TSC1: variants seen among roughly 807,000 people sequenced by gnomAD.
TSC1 encodes the protein TSC complex subunit 1, also known as hamartin.
Under a neutral mutation model 124.3 loss-of-function variants are expected in TSC1, and 20 were observed. The observed-to-expected ratio is 0.16, with a 90% CI of 0.11 to 0.23. The LOEUF is 0.23. Ranked by LOEUF, TSC1 falls within the 10% of genes least tolerant of loss-of-function variation. The probability of loss-of-function intolerance (pLI) is 1.00; values close to 1 mark genes in which losing one functional copy is unlikely to be tolerated. For synonymous variants in TSC1, 493 were observed against 539.1 expected (o/e 0.91, Z 1.19); for missense variants, 1,124 against 1,448.5 (o/e 0.78, Z 3.64).
In TSC1 at chr9:132,921,299, C is replaced by T; in HGVS notation, c.737+64G>A. 6.5e-7 allele frequency: 1 copy of T among 1,535,326 alleles called. No individual in the cohort carries two copies. Among genetic ancestry groups the T allele is most frequent in the Non-Finnish European group, 9.0e-7 (1 of 1,110,586 alleles). On this transcript the variant is annotated intron_variant, in intron 8 of 22. Transcript: ENST00000298552. The surrounding 1 kb of genome is among the most constrained non-coding windows in gnomAD (Gnocchi z 4.3). ...CCCAAATATACCTCAACAGGGATTA[C>T]CTCCTAGATCACATTTTCAATCTCT...
intron 6 of TSC1, among the ~76,000 whole-genome samples, chr9:132,922,321 T>C (rs1028050357): frequency 1.3e-5 from 2 of 152,206 alleles, no homozygotes; most frequent in African/African-American, 4.8e-5. Context: ...ATGATAGCTC[T>C]CTGTAAAATT....
intron 8 of TSC1, among the ~76,000 whole-genome samples, chr9:132,919,310 C>G (rs994538573): frequency 1.3e-5 from 2 of 152,102 alleles, no homozygotes; most frequent in Non-Finnish European, 2.9e-5. Context: ...ACAGAGAAAA[C>G]AGGAAATCAA....
chr9:132,901,758 C>T (rs1052419020), intron 18 of TSC1, 59 bp from the exon 19 acceptor site: 4 of 1,512,046 alleles, frequency 2.6e-6, no homozygotes, highest in East Asian at 4.5e-5. Context: ...GATCACAGGC[C>T]TACCTAGCCA....
chr9:132,937,719 GTTTTT>G (rs1207835634), intron 1 of TSC1, among the ~76,000 whole-genome samples: 1 of 152,010 alleles, frequency 6.6e-6, no homozygotes, highest in Non-Finnish European at 1.5e-5. Context: ...TTTTTGTTTT[GTTTTT>G]TGAGATAGAG....
At chr9:132,945,112 C>T (rs1300688359), upstream of TSC1, 1 of 152,378 alleles carries the variant, frequency 6.6e-6, no homozygotes, top group Admixed American at 6.5e-5. Context: ...GAGCAGCGAT[C>T]CTGTTTCCCA....
At position 132,942,670 on chromosome 9, in the gene TSC1, C is replaced by T. The variant is rs761731841; in HGVS notation, c.-144+1873G>A. The stretch of plus-strand genomic sequence containing the variant: ...TGCTTTCTAACCAGGAATTTAGGAA[C>T]GTACCAAGTGTTTATGACACCAGGA... On this transcript the variant is annotated intron_variant, in intron 1 of 22. Coordinates refer to ENST00000298552, the MANE Select transcript of TSC1 (RefSeq NM_000368.5). Among the ~76,000 whole-genome samples, 3 of 152,312 alleles carry T rather than the reference C, an allele frequency of 2.0e-5. 1 individual carries two copies. The highest frequency in any genetic ancestry group is 4.1e-4 in the South Asian group (2 of 4,830).
chr9:132,939,598 T>C (rs369895112), intron 1 of TSC1, among the ~76,000 whole-genome samples: 4 of 152,350 alleles, frequency 2.6e-5, no homozygotes, highest in East Asian at 1.9e-4. Flanking sequence ...ATGCTTACGT[T>C]TTGACTTTCT....
chr9:132,913,742 C>T (rs376099304), intron 8 of TSC1, among the ~76,000 whole-genome samples: 3 of 144,364 alleles, frequency 2.1e-5, no homozygotes, highest in East Asian at 4.4e-4. Flanking sequence ...AGGAGAATGG[C>T]GTGAACCCAG....
At chr9:132,905,526 T>C in intron 15 of TSC1, 55 bp downstream of exon 15, 1 of 1,609,632 alleles carries the variant, frequency 6.2e-7, no homozygotes, top group Non-Finnish European at 8.5e-7. Context: ...ACACTTTCTG[T>C]ACTTCACAAT....
chr9:132,895,129 T>C lies in TSC1; in HGVS notation c.*1106A>G, dbSNP rs544273113. On this transcript the variant is annotated 3_prime_UTR_variant, in exon 23 of 23. Transcript: ENST00000298552. ...GAGAGTCAGCCCCTGAAAGTTGGAA[T>C]TGGTATGAAAAAGCTGCCCCTCTTC... The C allele has an allele frequency of 8.6e-6, 2 of 233,198 alleles. No individual in the cohort carries two copies. The highest frequency in any genetic ancestry group is 1.8e-4 in the South Asian group (1 of 5,518). The allele number at this position is 233,198 out of a possible 1,614,324, so 14.4% of individuals were successfully genotyped here.
chr9:132,934,977 T>C lies in TSC1; in HGVS notation c.-81+56A>G, dbSNP rs188638390. ...TGTTAAATCCCTGAATGCACGACCA[T>C]GGGCAAGATAATTCCCTCCCATCTT... On this transcript the variant is annotated intron_variant, in intron 2 of 22. Transcript: ENST00000298552. 2.8e-5 allele frequency: 11 copies of C among 399,058 alleles called. No homozygotes were observed. The Admixed American group carries it at 3.5e-4, about 13-fold the overall frequency. 24.7% of individuals were successfully genotyped at this position (399,058 alleles called of 1,614,324 possible).
At position 132,918,126 on chromosome 9, in the gene TSC1, T is replaced by C. The variant is rs555324183; in HGVS notation, c.737+3237A>G. Among the ~76,000 whole-genome samples, 29 of 152,338 alleles carry C rather than the reference T, an allele frequency of 1.9e-4. 1 individual carries two copies. Among genetic ancestry groups the C allele is most frequent in the African/African-American group, 6.7e-4 (28 of 41,570 alleles). ...TGTACAACCTCCTGGAATCCCACTG[T>C]CTACAGTAAAGACTTCTTTGTTTTT... On this transcript the variant is annotated intron_variant, in intron 8 of 22. Transcript: ENST00000298552.
Position 132,894,740 on chromosome 9 carries a change from C to T in TSC1, c.*1495G>A, listed in dbSNP as rs1294797462. On this transcript the variant is annotated 3_prime_UTR_variant, in exon 23 of 23. Transcript: ENST00000298552. ...AGACTTTCATTCTCTCTGCTCGAGG[C>T]CTCCGTGGGCACTAAGATTTCGTAC... 9.2e-6 allele frequency: 2 copies of T among 216,380 alleles called. No individual in the cohort carries two copies. The highest frequency in any genetic ancestry group is 4.5e-5 in the African/African-American group (2 of 44,310). 13.4% of individuals were successfully genotyped at this position (216,380 alleles called of 1,614,324 possible). A position where few individuals can be genotyped will look rare whatever the true frequency, so the allele number is the denominator to read the frequency against.
intron 2 of TSC1, among the ~76,000 whole-genome samples, chr9:132,930,457 G>T (rs1418534564): frequency 6.6e-6 from 1 of 151,792 alleles, no homozygotes; most frequent in Non-Finnish European, 1.5e-5. Flanking sequence ...GTGTGGTGGC[G>T]TGTGCCTGTA....
rs1453131062 is a variant in TSC1, at chr9:132,903,127, T to C, written c.2209-340A>G. On this transcript the variant is annotated intron_variant, in intron 17 of 22. Coordinates refer to ENST00000298552, the MANE Select transcript of TSC1 (RefSeq NM_000368.5). The surrounding 1 kb of genome is among the most constrained non-coding windows in gnomAD (Gnocchi z 5.9). The stretch of plus-strand genomic sequence containing the variant: ...ATGAGCATTTACTGAATGCTTGCAG[T>C]GTGCTGGGCGCTCAGCAAGGGCTTA... 6.6e-6 allele frequency among the ~76,000 whole-genome samples: 1 copy of C among 152,256 alleles called. No individual in the cohort carries two copies. Among genetic ancestry groups the C allele is most frequent in the Non-Finnish European group, 1.5e-5 (1 of 68,048 alleles).
chr9:132,935,136 G>C, intron 1 of TSC1, 41 bp from the exon 2 acceptor site: 1 of 398,906 alleles, frequency 2.5e-6, no homozygotes, highest in South Asian at 1.3e-4. Flanking sequence ...CAAAATCCCA[G>C]ATGTAATCAA....
intron 4 of TSC1, chr9:132,926,489 G>C (rs1469480769): frequency 2.6e-5 from 4 of 154,222 alleles, no homozygotes; most frequent in Non-Finnish European, 5.8e-5. Context: ...AAACATGAAG[G>C]AGCCCTCCAA....
In TSC1 at chr9:132,925,682, G is replaced by A. The variant is rs2132235523; in HGVS notation, c.268C>T (p.Leu90Phe). 6.2e-7 allele frequency: 1 copy of A among 1,614,230 alleles called. No individual in the cohort carries two copies. ...CTTATGACATGACCCAGTAACGAGA[G>A]GATGGATAAACGAGTGGCGGCTTTG... ...VGKAATRLSILSLLGHVIRLQ... is the reference protein window; with the variant it reads ...VGKAATRLSIFSLLGHVIRLQ... Residue 90 changes from leucine to phenylalanine, a missense_variant, in exon 5 of 23, where the codon CTC (leucine) becomes TTC (phenylalanine). Physicochemically the swap from Leu to Phe is conservative, Grantham distance 22. Around this residue, in one of 5 missense-constraint regions of TSC1, gnomAD observed 463 missense variants for 606.8 expected, o/e 0.76. Coordinates refer to ENST00000298552, the MANE Select transcript of TSC1 (RefSeq NM_000368.5).
At chr9:132,901,441 T>C in intron 19 of TSC1, 148 bp downstream of exon 19, 1 of 784,304 alleles carries the variant, frequency 1.3e-6, no homozygotes, top group Non-Finnish European at 2.2e-6. Flanking sequence ...CATTGCCAAA[T>C]GTCAGGGACT....
Sources: allele counts gnomAD v4.1 joint callset (sites outside exome capture counted in the v4.1 genomes callset), GRCh38; gene constraint gnomAD v4.1.1; regional missense constraint gnomAD v4.1.1; non-coding constraint Gnocchi (gnomAD v3.1); transcripts MANE v1.5; gene names NCBI Gene and HGNC (gene_info 2026-07-23, HGNC 2026-07-21).